The following PRR5L variants were observed in gnomAD, a reference collection of about 807,000 sequenced individuals.
The protein encoded by PRR5L is proline-rich protein 5-like.
Under a neutral mutation model 36.4 loss-of-function variants are expected in PRR5L, and 21 were observed. The ratio of observed to expected loss-of-function variants is 0.58; its 90% confidence interval spans 0.41 to 0.83. PRR5L has a LOEUF of 0.83. Among genes scored for constraint, PRR5L ranks in the 40% least tolerant of loss-of-function variants. PRR5L has a pLI of 0.00. For synonymous variants in PRR5L, 188 were observed against 197.0 expected (o/e 0.95, Z 0.38); for missense variants, 381 against 473.3 (o/e 0.80, Z 1.81).
At chr11:36,442,721 C>G (rs1858748262) in intron 6 of PRR5L, among the ~76,000 whole-genome samples, 1 of 152,218 alleles carries the variant, frequency 6.6e-6, no homozygotes, top group African/African-American at 2.4e-5. Flanking sequence ...GGACACAATA[C>G]AGACAAATTA....
chr11:36,413,180 T>C (rs570643062), intron 3 of PRR5L, among the ~76,000 whole-genome samples: 13 of 152,342 alleles, frequency 8.5e-5, no homozygotes, highest in African/African-American at 2.9e-4. Context: ...CACAGTCTGC[T>C]CACAGGCTGG....
chr11:36,421,540 TTTTC>T (rs1858266021), intron 4 of PRR5L, among the ~76,000 whole-genome samples: 1 of 152,202 alleles, frequency 6.6e-6, no homozygotes, highest in Non-Finnish European at 1.5e-5. Flanking sequence ...AGTTTTGTTT[TTTTC>T]TTTTTTTAAT....
intron 1 of PRR5L, among the ~76,000 whole-genome samples, chr11:36,322,515 A>G (rs1856622475): frequency 2.0e-5 from 3 of 152,090 alleles, no homozygotes; most frequent in African/African-American, 7.2e-5. Flanking sequence ...TCTTTGGGGA[A>G]TTCTTTCTCT....
In PRR5L at chr11:36,401,148, GC is replaced by G; in HGVS notation, c.30del (p.Val11SerfsTer17). 6.2e-7 allele frequency: 1 copy of G among 1,614,174 alleles called. No homozygotes were observed. Among genetic ancestry groups the G allele is most frequent in the Non-Finnish European group, 8.5e-7 (1 of 1,180,024 alleles). MTRGFAPILPVEFHKMGSFR... is the reference protein window; with the variant it reads MTRGFAPILXVEFHKMGSFR... ...TGACCCGCGGCTTCGCTCCCATTCTGCCCGTCGAGTTCCACAAGATGGGCTC... is the reference window on the plus strand; with the variant it reads ...TGACCCGCGGCTTCGCTCCCATTCTGCCGTCGAGTTCCACAAGATGGGCTC... On this transcript the variant is annotated frameshift_variant, in exon 2 of 9. Transcript: ENST00000530639. LOFTEE classifies it high-confidence loss of function.
At chr11:36,408,632 T>C (rs939926406) in intron 3 of PRR5L, among the ~76,000 whole-genome samples, 2 of 152,174 alleles carry the variant, frequency 1.3e-5, no homozygotes, top group Non-Finnish European at 2.9e-5. Context: ...TCACCCCTGA[T>C]GTGGCTGCAT....
intron 1 of PRR5L, among the ~76,000 whole-genome samples, chr11:36,365,677 C>T (rs959221141): frequency 6.6e-5 from 10 of 152,104 alleles, no homozygotes; most frequent in African/African-American, 2.2e-4. Flanking sequence ...TTGAGAAATG[C>T]CCATCTAGGA....
chr11:36,450,145 T>A (rs186670057), intron 7 of PRR5L, among the ~76,000 whole-genome samples: 78 of 152,284 alleles, frequency 5.1e-4, no homozygotes, highest in African/African-American at 1.9e-3. Context: ...GCAGCTTACA[T>A]CTCCCCCTGG....
At chr11:36,402,169 CTGTT>C (rs1666366697) in intron 2 of PRR5L, among the ~76,000 whole-genome samples, 1 of 152,304 alleles carries the variant, frequency 6.6e-6, no homozygotes, top group Admixed American at 6.5e-5. Flanking sequence ...TTTGCAGACA[CTGTT>C]TGGAGTAATT....
chr11:36,300,115 A>C (rs781780041), intron 1 of PRR5L, among the ~76,000 whole-genome samples: 1 of 152,152 alleles, frequency 6.6e-6, no homozygotes, highest in East Asian at 1.9e-4. Context: ...GTAGAAATGC[A>C]TAAAAGCAAT....
chr11:36,421,112 G>T (rs2554020), intron 4 of PRR5L, among the ~76,000 whole-genome samples: 150,472 of 152,316 alleles, frequency 0.99, 74,350 homozygotes, highest in East Asian at 1. Context: ...TTTTTTTAAA[G>T]CTAACTACAG....
chr11:36,453,214 T>C (rs1453901396), intron 8 of PRR5L, among the ~76,000 whole-genome samples: 5 of 152,216 alleles, frequency 3.3e-5, no homozygotes, highest in Admixed American at 6.5e-5. Flanking sequence ...TATACATCTA[T>C]ATCCTGCCTT....
intron 6 of PRR5L, among the ~76,000 whole-genome samples, chr11:36,442,705 G>A (rs184074779): frequency 3.3e-5 from 5 of 152,150 alleles, no homozygotes; most frequent in East Asian, 1.9e-4. Flanking sequence ...CAAATCCCCC[G>A]GGCATGGACA....
chr11:36,398,551 G>A (rs1857718616), intron 1 of PRR5L: 1 of 152,338 alleles, frequency 6.6e-6, no homozygotes, highest in South Asian at 2.1e-4. Context: ...TCAGCTGTCA[G>A]GATTGAGAGT....
intron 8 of PRR5L, among the ~76,000 whole-genome samples, chr11:36,457,584 C>G (rs1280571159): frequency 1.4e-5 from 2 of 146,886 alleles, no homozygotes; most frequent in Admixed American, 6.8e-5. Context: ...CCAGCCTGGG[C>G]AACAGAGTGA....
At chr11:36,353,834 C>T (rs558102984) in intron 1 of PRR5L, among the ~76,000 whole-genome samples, 1 of 152,196 alleles carries the variant, frequency 6.6e-6, no homozygotes, top group Non-Finnish European at 1.5e-5. Flanking sequence ...TAACAGGCCA[C>T]AGACTGGTAC....
At chr11:36,299,597 A>C (rs1002829060) in intron 1 of PRR5L, among the ~76,000 whole-genome samples, 8 of 152,172 alleles carry the variant, frequency 5.3e-5, no homozygotes, top group African/African-American at 7.2e-5. Context: ...TCATTTTTAC[A>C]TCCTGCTACA....
chr11:36,306,177 C>A (rs1856429538), intron 1 of PRR5L, among the ~76,000 whole-genome samples: 1 of 152,050 alleles, frequency 6.6e-6, no homozygotes, highest in Non-Finnish European at 1.5e-5. Context: ...TATACATGTG[C>A]CATGTTGCTT....
intron 1 of PRR5L, among the ~76,000 whole-genome samples, chr11:36,322,729 G>A (rs190482750): frequency 3.3e-5 from 5 of 152,266 alleles, no homozygotes; most frequent in African/African-American, 9.6e-5. Flanking sequence ...GGGAAGAGTA[G>A]GCCCCCTGTT....
chr11:36,372,952 T>G (rs1489287158), intron 1 of PRR5L, among the ~76,000 whole-genome samples: 1 of 150,598 alleles, frequency 6.6e-6, no homozygotes, highest in Admixed American at 6.7e-5. Flanking sequence ...AGTCACAAAC[T>G]TCAGCTTTTG....
Sources: allele counts gnomAD v4.1 joint callset (sites outside exome capture counted in the v4.1 genomes callset), GRCh38; gene constraint gnomAD v4.1.1; transcripts MANE v1.5; gene names NCBI Gene and HGNC (gene_info 2026-07-23, HGNC 2026-07-21).